Variants in NTRK2 observed in about 807,000 individuals in gnomAD.
NTRK2 encodes neurotrophic receptor tyrosine kinase 2.
A neutral mutation model predicts 94.5 loss-of-function variants in NTRK2; 13 were observed. The ratio of observed to expected loss-of-function variants is 0.14; its 90% CI spans 0.09 to 0.22. The LOEUF is 0.22. Among genes scored for constraint, NTRK2 ranks in the 10% least tolerant of loss-of-function variants. The pLI, the probability that NTRK2 is intolerant of heterozygous loss-of-function variation, is 1.00. For synonymous variants in NTRK2, 372 were observed against 407.4 expected (o/e 0.91, Z 1.05); for missense variants, 639 against 1,071.2 (o/e 0.60, Z 5.63).
At chr9:84,873,673 T>C in intron 14 of NTRK2, 3 of 1,055,756 alleles carry the variant, frequency 2.8e-6, no homozygotes, top group Non-Finnish European at 2.3e-6. Flanking sequence ...CATGTTATTA[T>C]AAGCCGCACT....
chr9:84,861,581 A>G (rs745419520), intron 13 of NTRK2, among the ~76,000 whole-genome samples: 3 of 152,160 alleles, frequency 2.0e-5, no homozygotes, highest in Non-Finnish European at 4.4e-5. Context: ...GCTTGATTGC[A>G]TTCTATTCCC....
chr9:84,888,453 A>G (rs1421870976), intron 14 of NTRK2, among the ~76,000 whole-genome samples: 2 of 151,466 alleles, frequency 1.3e-5, no homozygotes, highest in Admixed American at 6.6e-5. Context: ...TACTAAAAAT[A>G]CACAAAAAAA....
chr9:84,780,252 C>T (rs2067440794), intron 12 of NTRK2, among the ~76,000 whole-genome samples: 3 of 152,096 alleles, frequency 2.0e-5, no homozygotes, highest in Admixed American at 2.0e-4. Flanking sequence ...TGGAATACAG[C>T]CCCATTCATT....
At chr9:84,776,195 A>G (rs1472667541) in intron 12 of NTRK2, among the ~76,000 whole-genome samples, 4 of 151,804 alleles carry the variant, frequency 2.6e-5, no homozygotes, top group Non-Finnish European at 5.9e-5. Context: ...ATATAGATAC[A>G]GACTGTTTAA....
In NTRK2 at chr9:84,670,563, C is replaced by A. The variant is rs752472636; in HGVS notation, c.-186C>A. On this transcript the variant is annotated 5_prime_UTR_variant, in exon 2 of 19. Coordinates refer to ENST00000277120, the MANE Select transcript of NTRK2 (RefSeq NM_006180.6). ...TATGCCGGGGCCACTGTGAACCCTGCCGCCTGCCGGAACACTCTTCGCTCC... is the reference window on the plus strand; with the variant it reads ...TATGCCGGGGCCACTGTGAACCCTGACGCCTGCCGGAACACTCTTCGCTCC... The A allele has an allele frequency of 1.5e-6, 1 of 646,214 alleles. No individual in the cohort carries two copies. Among genetic ancestry groups the A allele is most frequent in the Non-Finnish European group, 2.7e-6 (1 of 367,594 alleles). 40.0% of individuals were successfully genotyped at this position (646,214 alleles called of 1,614,324 possible). A position where few individuals can be genotyped will look rare whatever the true frequency, so the allele number is the denominator to read the frequency against.
intron 4 of NTRK2, among the ~76,000 whole-genome samples, chr9:84,705,203 C>T (rs961104429): frequency 2.6e-5 from 4 of 151,966 alleles, no homozygotes; most frequent in Admixed American, 1.3e-4. Context: ...CACTTCTCCC[C>T]CTACCCTGTC....
At chr9:84,709,293 T>C (rs2061290398) in intron 5 of NTRK2, among the ~76,000 whole-genome samples, 1 of 152,240 alleles carries the variant, frequency 6.6e-6, no homozygotes, top group African/African-American at 2.4e-5. Flanking sequence ...TATTCATAAT[T>C]GAAGCATTCC....
At chr9:84,733,656 C>A (rs1410189606) in intron 9 of NTRK2, among the ~76,000 whole-genome samples, 2 of 152,326 alleles carry the variant, frequency 1.3e-5, no homozygotes, top group East Asian at 1.9e-4. Flanking sequence ...TTATTCCTGT[C>A]CCCTGTTCCT....
intron 17 of NTRK2, among the ~76,000 whole-genome samples, chr9:85,017,453 A>G (rs1832356391): frequency 1.3e-5 from 2 of 152,364 alleles, no homozygotes; most frequent in South Asian, 4.1e-4. Context: ...GTGAATATCC[A>G]GGTAGATATG....
chr9:84,763,403 A>G (rs1266411519), intron 12 of NTRK2, among the ~76,000 whole-genome samples: 1 of 151,444 alleles, frequency 6.6e-6, no homozygotes, highest in Non-Finnish European at 1.5e-5. Context: ...ATGAAAAATG[A>G]TTTTTTCTGA....
At chr9:84,773,372 T>C (rs993157244) in intron 12 of NTRK2, among the ~76,000 whole-genome samples, 2 of 152,202 alleles carry the variant, frequency 1.3e-5, no homozygotes, top group Admixed American at 6.5e-5. Flanking sequence ...ATAAGGGCTA[T>C]AGAAATTATG....
intron 12 of NTRK2, among the ~76,000 whole-genome samples, chr9:84,787,630 C>A (rs2068257959): frequency 6.6e-6 from 1 of 152,164 alleles, no homozygotes; most frequent in Non-Finnish European, 1.5e-5. Flanking sequence ...TCAGGCAAAA[C>A]CCTCATTTTC....
At chr9:84,767,241 CT>C (rs1230397714) in intron 12 of NTRK2, among the ~76,000 whole-genome samples, 1 of 152,192 alleles carries the variant, frequency 6.6e-6, no homozygotes, top group African/African-American at 2.4e-5. Context: ...AAAAATGACA[CT>C]GAAAACTCAG....
intron 17 of NTRK2, among the ~76,000 whole-genome samples, chr9:84,984,386 C>T (rs1195353053): frequency 2.0e-5 from 3 of 152,232 alleles, no homozygotes; most frequent in East Asian, 1.9e-4. Context: ...GCATGAGAAT[C>T]GCTTGAACCC....
chr9:84,822,556 C>T (rs11140769), intron 12 of NTRK2, among the ~76,000 whole-genome samples: 1,706 of 152,128 alleles, frequency 0.011, 34 homozygotes, highest in African/African-American at 0.039. Context: ...GAAGGGAATC[C>T]GAGAGCAAGG....
At chr9:84,771,596 T>C (rs1037141285) in intron 12 of NTRK2, among the ~76,000 whole-genome samples, 1 of 152,212 alleles carries the variant, frequency 6.6e-6, no homozygotes, top group African/African-American at 2.4e-5. Context: ...GGTGAAGTCA[T>C]CAGCATTTAT....
At chr9:84,961,360 C>T (rs572448859) in intron 17 of NTRK2, among the ~76,000 whole-genome samples, 207 of 152,286 alleles carry the variant, frequency 1.4e-3, no homozygotes, top group South Asian at 3.9e-3. Flanking sequence ...TTAAAGTGTA[C>T]TTAAAACCAT....
At chr9:84,709,959 C>CTGTGTGTGTG (rs1491578776) in intron 5 of NTRK2, among the ~76,000 whole-genome samples, 151 of 116,480 alleles carry the variant, frequency 1.3e-3, no homozygotes, top group African/African-American at 4.2e-3. Context: ...GAATAGCTTG[C>CTGTGTGTGTG]TCTGTGTGTG....
intron 14 of NTRK2, among the ~76,000 whole-genome samples, chr9:84,925,957 A>G (rs1322511285): frequency 1.3e-5 from 2 of 151,874 alleles, no homozygotes; most frequent in African/African-American, 2.4e-5. Flanking sequence ...CATGTAGTCC[A>G]AACTCCCTTA....
Sources: gnomAD v4.1 joint callset for allele counts (sites outside exome capture counted in the v4.1 genomes callset) on GRCh38, gnomAD v4.1.1 for gene constraint, MANE v1.5 for transcripts, NCBI Gene and HGNC (gene_info 2026-07-23, HGNC 2026-07-21) for gene names.